Variants in ADGB observed in about 807,000 individuals in gnomAD.
ADGB encodes calpain-7-like protein.
ADGB carries 172 observed loss-of-function variants against 210.5 expected under a neutral mutation model. The ratio of observed to expected loss-of-function variants is 0.82; its 90% CI spans 0.72 to 0.93. The LOEUF (loss-of-function observed/expected upper bound fraction) is 0.93, where lower values mean the gene tolerates loss of function less well. Ranked by LOEUF, ADGB falls within the 40% of genes least tolerant of loss-of-function variation. ADGB has a pLI of 0.00. For synonymous variants in ADGB, 658 were observed against 662.7 expected (o/e 0.99, Z 0.11); for missense variants, 2,025 against 1,964.8 (o/e 1.03, Z -0.58).
At chr6:146,625,258 A>G (rs1050125159) in intron 1 of ADGB, among the ~76,000 whole-genome samples, 8 of 152,076 alleles carry the variant, frequency 5.3e-5, no homozygotes, top group Admixed American at 2.6e-4. Context: ...TATTAAATTC[A>G]AGAAGGTTTA....
At chr6:146,670,127 T>C (rs904942116) in intron 7 of ADGB, among the ~76,000 whole-genome samples, 1 of 152,182 alleles carries the variant, frequency 6.6e-6, no homozygotes, top group African/African-American at 2.4e-5. Flanking sequence ...ACTGATCACA[T>C]GTAATAGACT....
At chr6:146,606,968 C>A (rs9403794) in intron 1 of ADGB, among the ~76,000 whole-genome samples, 86,327 of 151,950 alleles carry the variant, frequency 0.57, 24,658 homozygotes, top group Admixed American at 0.64. Context: ...AATAGCATTA[C>A]ATCTCTAAAT....
At chr6:146,676,080 A>G (rs1776078875) in intron 8 of ADGB, among the ~76,000 whole-genome samples, 1 of 152,144 alleles carries the variant, frequency 6.6e-6, no homozygotes, top group Non-Finnish European at 1.5e-5. Flanking sequence ...TATACAGTAG[A>G]TAAAAAGCAA....
chr6:146,652,854 G>A (rs1442231158), intron 3 of ADGB, among the ~76,000 whole-genome samples: 1 of 152,064 alleles, frequency 6.6e-6, no homozygotes, highest in Admixed American at 6.6e-5. Flanking sequence ...CGTTAACTAA[G>A]TTTTCAGGTT....
intron 7 of ADGB, among the ~76,000 whole-genome samples, chr6:146,670,778 G>A (rs1323779727): frequency 1.3e-5 from 2 of 152,084 alleles, no homozygotes; most frequent in Non-Finnish European, 2.9e-5. Context: ...GAATGACTGG[G>A]ATACAGTATG....
intron 2 of ADGB, chr6:146,638,900 C>A (rs1381167168): frequency 7.9e-6 from 1 of 126,930 alleles, no homozygotes; most frequent in Admixed American, 9.1e-5. Context: ...TGGAGCATCA[C>A]CTTCTGCAAA....
chr6:146,779,898 T>C (rs1337636587), intron 29 of ADGB, among the ~76,000 whole-genome samples: 2 of 149,980 alleles, frequency 1.3e-5, no homozygotes, highest in African/African-American at 4.9e-5. Context: ...AACTTGAAGC[T>C]ACATAAAGAA....
chr6:146,624,362 A>G (rs1019436600), intron 1 of ADGB, among the ~76,000 whole-genome samples: 3 of 151,874 alleles, frequency 2.0e-5, no homozygotes, highest in Non-Finnish European at 2.9e-5. Context: ...AAATATTTGG[A>G]TAAAGAATGA....
At chr6:146,784,850 G>GAAAAAAAAAA in intron 31 of ADGB, 56 bp downstream of exon 31, 2 of 1,469,340 alleles carry the variant, frequency 1.4e-6, no homozygotes, top group Non-Finnish European at 9.1e-7. Flanking sequence ...GGCATGCTCT[G>GAAAAAAAAAA]AAAAAAATAG....
chr6:146,788,214 C>T (rs1777905325), intron 32 of ADGB, among the ~76,000 whole-genome samples, 175 bp from the exon 33 acceptor site: 1 of 152,130 alleles, frequency 6.6e-6, no homozygotes, highest in Non-Finnish European at 1.5e-5. Context: ...CACTTCCTGC[C>T]TGGGTCAGCC....
chr6:146,683,914 A>C, intron 9 of ADGB, among the ~76,000 whole-genome samples: 1 of 152,148 alleles, frequency 6.6e-6, no homozygotes, highest in East Asian at 1.9e-4. Flanking sequence ...CTAATGCATA[A>C]TGTACAAATG....
At chr6:146,672,170 G>GA (rs370253232) in intron 7 of ADGB, 50 bp from the exon 8 acceptor site, 46,883 of 934,028 alleles carry the variant, frequency 0.05, 205 homozygotes, top group African/African-American at 0.12. Context: ...GAAGTTCAAG[G>GA]AAAAAAAAAA....
At chr6:146,653,855 A>G (rs746550868) in intron 3 of ADGB, among the ~76,000 whole-genome samples, 1 of 152,180 alleles carries the variant, frequency 6.6e-6, no homozygotes, top group Non-Finnish European at 1.5e-5. Context: ...TCTAAGAATT[A>G]TCTTAAGGAA....
At chr6:146,657,601 T>C (rs1775803482) in intron 5 of ADGB, among the ~76,000 whole-genome samples, 1 of 152,210 alleles carries the variant, frequency 6.6e-6, no homozygotes, top group African/African-American at 2.4e-5. Context: ...CCACTGCCTC[T>C]GCACTCTCAT....
At chr6:146,801,319 GTTT>G (rs975938907) in intron 34 of ADGB, 40 bp downstream of exon 34, 3 of 1,196,788 alleles carry the variant, frequency 2.5e-6, no homozygotes, top group African/African-American at 1.6e-5. Context: ...ACAACTGTGT[GTTT>G]TGTTAAATCG....
intron 3 of ADGB, among the ~76,000 whole-genome samples, chr6:146,653,408 G>A (rs1775732840): frequency 6.6e-6 from 1 of 152,054 alleles, no homozygotes; most frequent in African/African-American, 2.4e-5. Flanking sequence ...GTGCCAAAAA[G>A]GTTGGGGACC....
intron 12 of ADGB, among the ~76,000 whole-genome samples, chr6:146,698,984 T>C (rs910289810): frequency 1.3e-5 from 2 of 152,156 alleles, no homozygotes; most frequent in African/African-American, 2.4e-5. Flanking sequence ...AACACAAACA[T>C]TTAGTCACAC....
In ADGB at chr6:146,766,494, AG is replaced by A. The variant is rs1424961783; in HGVS notation, c.3750+2399del. Among the ~76,000 whole-genome samples, 3 of 148,690 alleles carry A rather than the reference AG, an allele frequency of 2.0e-5. No individual in the cohort carries two copies. The East Asian group carries it at 5.9e-4, about 29-fold the overall frequency. On this transcript the variant is annotated intron_variant, in intron 28 of 35. Coordinates refer to ENST00000397944, the MANE Select transcript of ADGB (RefSeq NM_024694.4). ...TTAAACTAAATTAAACCTGGGGGTG[AG>A]GGGGAAACACATAACTTCCTGAGGG...
Position 146,716,919 on chromosome 6 carries a change from C to T in ADGB, c.1778C>T (p.Ala593Val). Reference protein sequence around the residue: ...DEQTDFGLGDAHQSDGLNLER... With the variant: ...DEQTDFGLGDVHQSDGLNLER... ...CAAACAGACTTTGGATTGGGTGATG[C>T]TCATCAGAGTGATGGATTAAACTTG... Residue 593 changes from alanine to valine, a missense_variant, in exon 15 of 36, where the codon GCT becomes GTT. By Grantham distance (64) the Ala-to-Val change is moderately conservative. Coordinates refer to ENST00000397944, the MANE Select transcript of ADGB (RefSeq NM_024694.4). 1.3e-6 allele frequency: 2 copies of T among 1,550,802 alleles called. No homozygotes were observed. The highest frequency in any genetic ancestry group is 1.7e-6 in the Non-Finnish European group (2 of 1,146,512).
Sources: gnomAD v4.1 joint callset for allele counts (sites outside exome capture counted in the v4.1 genomes callset) on GRCh38, gnomAD v4.1.1 for gene constraint, MANE v1.5 for transcripts, NCBI Gene and HGNC (gene_info 2026-07-23, HGNC 2026-07-21) for gene names.